The following ETV5 variants were observed in gnomAD, a reference collection of about 807,000 sequenced individuals.
ETV5 encodes the protein ETS variant transcription factor 5, also known as ETS translocation variant 5.
Under a neutral mutation model 70.0 loss-of-function variants are expected in ETV5, and 10 were observed. That is an observed-to-expected ratio of 0.14 (90% CI 0.09 to 0.24). The LOEUF is 0.24. ETV5 is among the 10% of genes least tolerant of loss of function. ETV5 has a pLI of 1.00. For missense variants in ETV5, 453 were observed against 651.2 expected (o/e 0.70, Z 3.31); for synonymous variants, 216 against 242.2 (o/e 0.89, Z 1.01).
At chr3:186,108,740 C>A in intron 1 of ETV5, 200 bp downstream of exon 1, 1 of 978,714 alleles carries the variant, frequency 1.0e-6, no homozygotes, top group Non-Finnish European at 1.3e-6. Flanking sequence ...TTAGCCGCAC[C>A]CGCCCGACGC....
Position 186,048,068 on chromosome 3 carries a change from G to A in ETV5, c.*571C>T, listed in dbSNP as rs1193585277. On this transcript the variant is annotated 3_prime_UTR_variant, in exon 13 of 13. Transcript: ENST00000306376. ...TTATGATTTTGAGAACCACGGAGTG[G>A]GGAACAGCTGTTCTGACTGCCCCCC... The A allele has an allele frequency of 3.0e-5, 7 of 233,604 alleles. No individual in the cohort carries two copies. The highest frequency in any genetic ancestry group is 5.9e-5 in the Non-Finnish European group (7 of 118,288). 14.5% of individuals were successfully genotyped at this position (233,604 alleles called of 1,614,324 possible).
chr3:186,081,656 T>C (rs552953533), intron 5 of ETV5, among the ~76,000 whole-genome samples: 4 of 152,336 alleles, frequency 2.6e-5, no homozygotes, highest in East Asian at 3.9e-4. Flanking sequence ...AAATTAAATA[T>C]AGAATTTTTA....
At chr3:186,091,047 T>C (rs1447305613) in intron 5 of ETV5, among the ~76,000 whole-genome samples, 3 of 152,092 alleles carry the variant, frequency 2.0e-5, no homozygotes, top group Admixed American at 6.5e-5. Context: ...ATACGACTCA[T>C]AGGGGACATG....
At chr3:186,097,183 G>T (rs1714325635) in intron 5 of ETV5, among the ~76,000 whole-genome samples, 1 of 152,136 alleles carries the variant, frequency 6.6e-6, no homozygotes, top group Non-Finnish European at 1.5e-5. Flanking sequence ...CAATGCATTT[G>T]ATTAGTGTCC....
chr3:186,090,125 T>C (rs1714146798), intron 5 of ETV5, among the ~76,000 whole-genome samples: 1 of 152,230 alleles, frequency 6.6e-6, no homozygotes, highest in African/African-American at 2.4e-5. Context: ...ATCCTTTATC[T>C]TATAGTTGAC....
At chr3:186,072,988 C>T (rs1337569450) in intron 7 of ETV5, among the ~76,000 whole-genome samples, 1 of 151,988 alleles carries the variant, frequency 6.6e-6, no homozygotes, top group African/African-American at 2.4e-5. Context: ...AAAAATTAGC[C>T]GGGTGTGGTG....
intron 5 of ETV5, among the ~76,000 whole-genome samples, chr3:186,082,018 G>T (rs532764188): frequency 6.6e-6 from 1 of 152,346 alleles, no homozygotes; most frequent in South Asian, 2.1e-4. Flanking sequence ...AGAGTAACAA[G>T]AATTTTTCAA....
intron 5 of ETV5, among the ~76,000 whole-genome samples, chr3:186,096,921 C>T (rs1714316330): frequency 6.6e-6 from 1 of 152,024 alleles, no homozygotes. Flanking sequence ...TGGCTCGAAC[C>T]TGTAATGCCA....
At chr3:186,051,312 G>C (rs1351741944) in intron 12 of ETV5, among the ~76,000 whole-genome samples, 2 of 152,248 alleles carry the variant, frequency 1.3e-5, no homozygotes, top group South Asian at 2.1e-4. Context: ...CTGGCTCAAT[G>C]TGTAAATGCT....
At chr3:186,094,691 T>G (rs183040968) in intron 5 of ETV5, among the ~76,000 whole-genome samples, 1 of 152,330 alleles carries the variant, frequency 6.6e-6, no homozygotes, top group African/African-American at 2.4e-5. Context: ...TCGATTGAAG[T>G]AGGGCTCAAG....
At chr3:186,100,686 C>T (rs1411420038) in intron 5 of ETV5, among the ~76,000 whole-genome samples, 1 of 152,158 alleles carries the variant, frequency 6.6e-6, no homozygotes, top group East Asian at 1.9e-4. Flanking sequence ...GTTCCATTCT[C>T]TTTGAAACAC....
chr3:186,094,683 G>A (rs191302496), intron 5 of ETV5, among the ~76,000 whole-genome samples: 3 of 152,282 alleles, frequency 2.0e-5, no homozygotes, highest in East Asian at 1.9e-4. Context: ...GACCAACTTC[G>A]ATTGAAGTAG....
At chr3:186,062,175 G>A (rs1713320388) in intron 9 of ETV5, among the ~76,000 whole-genome samples, 1 of 152,192 alleles carries the variant, frequency 6.6e-6, no homozygotes, top group Non-Finnish European at 1.5e-5. Context: ...CATTAATGAG[G>A]AAATCATAGT....
chr3:186,050,550 G>C (rs1713003230), intron 12 of ETV5, among the ~76,000 whole-genome samples: 2 of 152,086 alleles, frequency 1.3e-5, no homozygotes, highest in South Asian at 4.1e-4. Context: ...TTCTTTTTGG[G>C]GTGATAAAAT....
At chr3:186,108,558 A>T (rs990173203) in intron 1 of ETV5, 3 of 1,271,036 alleles carry the variant, frequency 2.4e-6, no homozygotes, top group Non-Finnish European at 3.1e-6. Context: ...GAGCTCCGCC[A>T]AGCGTCTCTT....
intron 5 of ETV5, among the ~76,000 whole-genome samples, chr3:186,104,564 T>G (rs10513801): frequency 0.093 from 14,115 of 152,150 alleles, 856 homozygotes; most frequent in South Asian, 0.15. Context: ...CATTAACTAT[T>G]TTCTGCACCT....
chr3:186,057,329 T>A lies in ETV5; in HGVS notation c.1040-85A>T. The A allele has an allele frequency of 1.2e-6, 2 of 1,607,216 alleles. No homozygotes were observed. Among genetic ancestry groups the A allele is most frequent in the South Asian group, 2.2e-5 (2 of 90,894 alleles). Reference sequence around the variant, plus strand: ...GACAAAAAGGAGTTGTTCATGCTGATTTAATCACTGGACTTGGGAAGAGAG... The same window carrying A: ...GACAAAAAGGAGTTGTTCATGCTGAATTAATCACTGGACTTGGGAAGAGAG... On this transcript the variant is annotated intron_variant, in intron 10 of 12. Coordinates refer to ENST00000306376, the MANE Select transcript of ETV5 (RefSeq NM_004454.3). This position sits in a 1 kb window ranked among gnomAD's most constrained non-coding sequence, Gnocchi z 4.9.
intron 5 of ETV5, among the ~76,000 whole-genome samples, chr3:186,093,979 C>T (rs1714247104): frequency 6.6e-6 from 1 of 152,194 alleles, no homozygotes; most frequent in Admixed American, 6.5e-5. Flanking sequence ...GTAAAAGAGT[C>T]ATCAAAGGTG....
intron 5 of ETV5, among the ~76,000 whole-genome samples, chr3:186,099,439 G>C (rs1034988382): frequency 1.3e-5 from 2 of 152,250 alleles, no homozygotes; most frequent in East Asian, 3.9e-4. Context: ...TGAGCTCCTT[G>C]GATTCCAAGT....
Sources: gnomAD v4.1 joint callset for allele counts (sites outside exome capture counted in the v4.1 genomes callset) on GRCh38, gnomAD v4.1.1 for gene constraint, Gnocchi (gnomAD v3.1) non-coding constraint, MANE v1.5 for transcripts, NCBI Gene and HGNC (gene_info 2026-07-23, HGNC 2026-07-21) for gene names.